The following MYH15 variants were observed in gnomAD, a reference collection of about 807,000 sequenced individuals.
MYH15 encodes myosin-15.
A neutral mutation model predicts 240.5 loss-of-function variants in MYH15; 227 were observed. The observed-to-expected ratio is 0.94, with a 90% CI of 0.85 to 1.05. The LOEUF is 1.05. Ranked by LOEUF, MYH15 falls within the 50% of genes least tolerant of loss-of-function variation. The probability of loss-of-function intolerance (pLI) is 0.00; values close to 1 mark genes in which losing one functional copy is unlikely to be tolerated. For synonymous variants in MYH15, 785 were observed against 796.7 expected, an observed-to-expected ratio of 0.99 and a Z score of 0.25; for missense variants, 2,217 against 2,247.5, an observed-to-expected ratio of 0.99 and a Z score of 0.27.
In MYH15 at chr3:108,410,911, C is replaced by T; in HGVS notation, c.4167G>A (p.Leu1389=). The T allele has an allele frequency of 6.2e-7, 1 of 1,602,450 alleles. No individual in the cohort carries two copies. Among genetic ancestry groups the T allele is most frequent in the Non-Finnish European group, 8.5e-7 (1 of 1,170,916 alleles). The change falls in exon 31 of 41, where the codon TTG becomes TTA. Residue 1389 remains leucine, a synonymous_variant. Transcript: ENST00000693548. ...EDAKKELAIR[L]QEAAEAMGVA... The stretch of plus-strand genomic sequence containing the variant: ...CCCCCATGGCTTCGGCTGCCTCCTG[C>T]AATCTAATTGCCAGTTCCTTCCTGA...
In MYH15 at chr3:108,421,111, T is replaced by G. The variant is rs2082678945; in HGVS notation, c.3806A>C (p.Lys1269Thr). The change falls in exon 28 of 41, where the codon AAG becomes ACG. Residue 1269 changes from lysine (K) to threonine (T), a missense_variant. Physicochemically the swap from Lys to Thr is moderately conservative, Grantham distance 78 (BLOSUM62 -1). Coordinates refer to ENST00000693548, the MANE Select transcript of MYH15 (RefSeq NM_014981.3). ...TQLANDLAAQ[K>T]TKLWSESGEF... is the part of the protein sequence containing the mutation. Reference sequence around the variant, plus strand: ...ACCACTCTCACTCCACAGCTTTGTCTTTTGTGCTGCCAGGTCATTTGCCAA... The same window carrying G: ...ACCACTCTCACTCCACAGCTTTGTCGTTTGTGCTGCCAGGTCATTTGCCAA... 10 of 1,614,016 alleles carry G rather than the reference T, an allele frequency of 6.2e-6. No homozygotes were observed. Among genetic ancestry groups the G allele is most frequent in the Non-Finnish European group, 8.5e-6 (10 of 1,179,990 alleles).
In MYH15 at chr3:108,505,729, A is replaced by G. The variant is rs2083470603; in HGVS notation, c.189T>C (p.Asp63=). ...DDGTVIVETA[D]GESLSIKEDK... ...GAAATAAAAATTTCTTTACCTCTCC[A>G]TCTGCTGTCTCAACAATTACTGTTC... The change falls in exon 2 of 41, where the codon GAT becomes GAC. Residue 63 remains aspartate, a synonymous_variant. Transcript: ENST00000693548. 3 of 1,606,876 alleles carry G rather than the reference A, an allele frequency of 1.9e-6. No homozygotes were observed. Among genetic ancestry groups the G allele is most frequent in the Non-Finnish European group, 1.7e-6 (2 of 1,175,552 alleles).
At chr3:108,527,143 C>CA (rs1426973700) in intron 1 of MYH15, among the ~76,000 whole-genome samples, 1 of 152,200 alleles carries the variant, frequency 6.6e-6, no homozygotes, top group East Asian at 1.9e-4. Context: ...TGAGAAGTTG[C>CA]ATTTGAACAA....
chr3:108,460,542 GT>G (rs2083063471), intron 16 of MYH15, among the ~76,000 whole-genome samples, 175 bp from the exon 17 acceptor site: 1 of 151,990 alleles, frequency 6.6e-6, no homozygotes, highest in African/African-American at 2.4e-5. Flanking sequence ...TATTTTTAGT[GT>G]TTTTCCTTAA....
chr3:108,415,233 G>T (rs921032390), intron 29 of MYH15, among the ~76,000 whole-genome samples: 3 of 151,994 alleles, frequency 2.0e-5, no homozygotes, highest in Admixed American at 6.6e-5. Context: ...GATCCTGACG[G>T]GTCCTCAAGT....
At chr3:108,530,147 T>C (rs1454264232), upstream of MYH15, among the ~76,000 whole-genome samples, 1 of 152,196 alleles carries the variant, frequency 6.6e-6, no homozygotes, top group Admixed American at 6.5e-5. Flanking sequence ...TAGTGGAGAT[T>C]AGCCGTAAAC....
intron 21 of MYH15, among the ~76,000 whole-genome samples, chr3:108,446,627 G>A (rs1453962191): frequency 6.6e-6 from 1 of 152,198 alleles, no homozygotes; most frequent in Non-Finnish European, 1.5e-5. Context: ...AGTAACAACT[G>A]GAGAAAGCAA....
At chr3:108,539,669 A>C in the MYH15 span, among the ~76,000 whole-genome samples, 1 of 152,168 alleles carries the variant, frequency 6.6e-6, no homozygotes, top group Non-Finnish European at 1.5e-5. Flanking sequence ...CAGTATACTT[A>C]TTTGTTCAAA....
chr3:108,417,203 C>T (rs879376057), intron 28 of MYH15, among the ~76,000 whole-genome samples: 3 of 152,030 alleles, frequency 2.0e-5, no homozygotes, highest in Non-Finnish European at 4.4e-5. Context: ...AACTTCTATG[C>T]TCTAGGTACT....
At chr3:108,388,023 G>A (rs1011609064) in intron 38 of MYH15, among the ~76,000 whole-genome samples, 1 of 152,158 alleles carries the variant, frequency 6.6e-6, no homozygotes, top group African/African-American at 2.4e-5. Context: ...GTAAAAATGG[G>A]TGCCTAAAAT....
chr3:108,514,120 C>T (rs1390751301), upstream of MYH15, among the ~76,000 whole-genome samples: 1 of 152,150 alleles, frequency 6.6e-6, no homozygotes, highest in Non-Finnish European at 1.5e-5. Flanking sequence ...GACCTAGCTG[C>T]CTTTCATAAA....
intron 14 of MYH15, among the ~76,000 whole-genome samples, chr3:108,468,274 C>CT (rs1474477027): frequency 1.3e-5 from 2 of 152,150 alleles, no homozygotes; most frequent in African/African-American, 4.8e-5. Context: ...CTGATATAGA[C>CT]TTTTTTGTAA....
intron 21 of MYH15, 38 bp from the exon 22 acceptor site, chr3:108,444,933 TGACTA>T: frequency 6.4e-7 from 1 of 1,562,104 alleles, no homozygotes; most frequent in Non-Finnish European, 8.6e-7. Context: ...AAGTTAGCCC[TGACTA>T]TAGGAGAATT....
At chr3:108,491,719 C>T (rs556761044) in intron 9 of MYH15, among the ~76,000 whole-genome samples, 2 of 152,286 alleles carry the variant, frequency 1.3e-5, no homozygotes, top group East Asian at 3.9e-4. Context: ...AACACACTTG[C>T]TCTGCCAACT....
At chr3:108,536,634 G>A in the MYH15 span, among the ~76,000 whole-genome samples, 1 of 152,184 alleles carries the variant, frequency 6.6e-6, no homozygotes, top group South Asian at 2.1e-4. Context: ...AATGGCCCAG[G>A]TGGCCATAAT....
chr3:108,516,236 T>C (rs1309821044), intron 1 of MYH15, among the ~76,000 whole-genome samples: 1 of 152,196 alleles, frequency 6.6e-6, no homozygotes, highest in African/African-American at 2.4e-5. Flanking sequence ...ATTATGCATG[T>C]TTACTTTCAA....
intron 1 of MYH15, among the ~76,000 whole-genome samples, chr3:108,525,505 TG>T (rs576752215): frequency 1.3e-5 from 2 of 152,232 alleles, no homozygotes; most frequent in African/African-American, 4.8e-5. Flanking sequence ...CTCACACATC[TG>T]ATGCTTTTAG....
Position 108,444,717 on chromosome 3 carries a change from ACT to A in MYH15, c.2576_2577del (p.Glu859ValfsTer19), listed in dbSNP as rs765845296. The A allele has an allele frequency of 1.6e-5, 26 of 1,613,494 alleles. 1 individual carries two copies. The South Asian group carries it at 2.5e-4, about 16-fold the overall frequency. The stretch of plus-strand genomic sequence containing the variant: ...TTTGCTTTCAGTTCCTCCCTCTGAA[ACT>A]CTGATTTCTCCAAGGCTTTCTGTAA... ...AQLQKALEKS[E>X]FQREELKAKQ... On this transcript the variant is annotated frameshift_variant, in exon 22 of 41. Transcript: ENST00000693548. LOFTEE classifies it high-confidence loss of function.
At chr3:108,524,778 G>A (rs2083653555) in intron 1 of MYH15, among the ~76,000 whole-genome samples, 1 of 152,042 alleles carries the variant, frequency 6.6e-6, no homozygotes, top group South Asian at 2.1e-4. Flanking sequence ...CATGAAGTCT[G>A]GAAGGAGTTA....
Sources: gnomAD v4.1 joint callset for allele counts (sites outside exome capture counted in the v4.1 genomes callset) on GRCh38, gnomAD v4.1.1 for gene constraint, MANE v1.5 for transcripts, NCBI Gene and HGNC (gene_info 2026-07-23, HGNC 2026-07-21) for gene names.